Variants in NPAS3 observed in about 807,000 individuals in gnomAD.
The protein encoded by NPAS3 is neuronal PAS domain protein 3.
Under a neutral mutation model 73.1 loss-of-function variants are expected in NPAS3, and 14 were observed. That is an observed-to-expected ratio of 0.19 (90% CI 0.13 to 0.30). The LOEUF is 0.30. Ranked by LOEUF, NPAS3 falls within the 10% of genes least tolerant of loss-of-function variation. NPAS3 has a pLI of 1.00. For missense variants in NPAS3, 1,096 were observed against 1,250.0 expected (o/e 0.88, Z 1.86); for synonymous variants, 620 against 541.5 (o/e 1.14, Z -2.01).
At chr14:32,940,418 G>A (rs1208338859) in intron 1 of NPAS3, among the ~76,000 whole-genome samples, 1 of 152,130 alleles carries the variant, frequency 6.6e-6, no homozygotes, top group African/African-American at 2.4e-5. Context: ...TACTTTCTTT[G>A]GAATCCTATT....
At chr14:33,626,553 GAT>G (rs1280184748) in intron 5 of NPAS3, among the ~76,000 whole-genome samples, 1 of 152,186 alleles carries the variant, frequency 6.6e-6, no homozygotes, top group Non-Finnish European at 1.5e-5. Flanking sequence ...TATTGGGAAA[GAT>G]AGCATCATGG....
intron 4 of NPAS3, among the ~76,000 whole-genome samples, chr14:33,392,138 A>G (rs2047034876): frequency 6.6e-6 from 1 of 152,200 alleles, no homozygotes; most frequent in South Asian, 2.1e-4. Context: ...TAGTTAAAGG[A>G]CATGTGGGCA....
chr14:33,084,435 G>A lies in NPAS3; in HGVS notation c.140+28441G>A, dbSNP rs2041956909. 2.0e-5 allele frequency among the ~76,000 whole-genome samples: 3 copies of A among 152,148 alleles called. No individual in the cohort carries two copies. The South Asian group carries it at 6.2e-4, about 32-fold the overall frequency. On this transcript the variant is annotated intron_variant, in intron 2 of 11. Coordinates refer to ENST00000356141, the Ensembl canonical transcript of NPAS3. ...TGAGGGCACCATTTTTTCCTAACAG[G>A]TAATCAAACGTAGTATAAGAAGACC... is the stretch of plus-strand genomic sequence containing the variant.
intron 3 of NPAS3, among the ~76,000 whole-genome samples, chr14:33,276,635 C>A (rs2041348437): frequency 1.3e-5 from 2 of 151,790 alleles, no homozygotes; most frequent in South Asian, 4.2e-4. Flanking sequence ...TCATTTAGTT[C>A]CTTCCTTTGT....
intron 1 of NPAS3, among the ~76,000 whole-genome samples, chr14:33,034,513 C>A (rs1315816724): frequency 6.6e-6 from 1 of 150,898 alleles, no homozygotes; most frequent in East Asian, 1.9e-4. Context: ...TTAATATATA[C>A]CATATATTAA....
At position 33,140,389 on chromosome 14, in the gene NPAS3, G is replaced by T. The variant is rs533429551; in HGVS notation, c.141-74793G>T. The stretch of plus-strand genomic sequence containing the variant: ...CACAGAAAAAAACAGTCACTATTTT[G>T]AGCTCATTTTGCTGTTTTTAGGGGT... On this transcript the variant is annotated intron_variant, in intron 2 of 11. Transcript: ENST00000356141. Among the ~76,000 whole-genome samples, 4 of 152,178 alleles carry T rather than the reference G, an allele frequency of 2.6e-5. 1 individual carries two copies. In the East Asian group the frequency reaches 7.7e-4, roughly 29 times the overall value.
At chr14:33,014,388 A>G (rs1364221422) in intron 1 of NPAS3, among the ~76,000 whole-genome samples, 1 of 152,218 alleles carries the variant, frequency 6.6e-6, no homozygotes, top group Non-Finnish European at 1.5e-5. Flanking sequence ...AAAGTTGTAG[A>G]GATACATTTC....
At chr14:32,968,928 C>A (rs2037306303) in intron 1 of NPAS3, among the ~76,000 whole-genome samples, 1 of 152,146 alleles carries the variant, frequency 6.6e-6, no homozygotes, top group Admixed American at 6.5e-5. Flanking sequence ...CTTCCTGATG[C>A]TCTCCCTCTT....
chr14:33,349,086 A>T (rs971471343), intron 3 of NPAS3, among the ~76,000 whole-genome samples: 1 of 152,226 alleles, frequency 6.6e-6, no homozygotes, highest in Non-Finnish European at 1.5e-5. Flanking sequence ...GACGGAGGTC[A>T]GAAGCATGTT....
Position 33,200,732 on chromosome 14 carries a change from G to A in NPAS3, c.141-14450G>A, listed in dbSNP as rs532853958. 3.9e-5 allele frequency among the ~76,000 whole-genome samples: 6 copies of A among 152,200 alleles called. No homozygotes were observed. The East Asian group carries it at 1.2e-3, about 29-fold the overall frequency. ...CTGAAAGGAAGATCTGGCAACTTTG[G>A]GGCCACATTCCAATCTAGTAACAAA... On this transcript the variant is annotated intron_variant, in intron 2 of 11. Coordinates refer to ENST00000356141, the Ensembl canonical transcript of NPAS3.
chr14:33,128,050 C>T (rs987492468), intron 2 of NPAS3, among the ~76,000 whole-genome samples: 2 of 152,082 alleles, frequency 1.3e-5, no homozygotes, highest in Non-Finnish European at 2.9e-5. Flanking sequence ...TATTTTCTTT[C>T]AATTCTCTGA....
At chr14:33,410,170 G>GA in intron 4 of NPAS3, among the ~76,000 whole-genome samples, 1 of 152,128 alleles carries the variant, frequency 6.6e-6, no homozygotes, top group East Asian at 1.9e-4. Context: ...AGAATCTCTT[G>GA]AAAGAGTCTT....
intron 4 of NPAS3, among the ~76,000 whole-genome samples, chr14:33,383,759 G>A (rs116939414): frequency 3.1e-3 from 476 of 152,224 alleles, no homozygotes; most frequent in Non-Finnish European, 5.6e-3. Context: ...CCAGCTTCCG[G>A]AAGTCTGGTC....
chr14:33,471,644 C>T (rs751395244), intron 4 of NPAS3, among the ~76,000 whole-genome samples: 9 of 152,124 alleles, frequency 5.9e-5, no homozygotes, highest in African/African-American at 1.2e-4. Flanking sequence ...TTGATATCAC[C>T]GTCCTTAAAA....
intron 6 of NPAS3, among the ~76,000 whole-genome samples, chr14:33,708,590 T>C (rs1405527413): frequency 6.6e-6 from 1 of 152,112 alleles, no homozygotes; most frequent in Non-Finnish European, 1.5e-5. Context: ...TTCAGAGTCT[T>C]AACGACCTGG....
intron 6 of NPAS3, among the ~76,000 whole-genome samples, chr14:33,678,478 T>C (rs530284796): frequency 6.6e-6 from 1 of 152,328 alleles, no homozygotes; most frequent in Middle Eastern, 3.4e-3. Context: ...CAATGGCGTG[T>C]TCCTAAAAGC....
At chr14:33,241,626 C>T (rs961259715) in intron 3 of NPAS3, among the ~76,000 whole-genome samples, 2 of 151,904 alleles carry the variant, frequency 1.3e-5, no homozygotes, top group African/African-American at 4.8e-5. Flanking sequence ...GTCTAGTCTC[C>T]CTCTGTACGA....
intron 6 of NPAS3, among the ~76,000 whole-genome samples, chr14:33,726,779 G>A (rs1237946789): frequency 6.6e-6 from 1 of 152,126 alleles, no homozygotes; most frequent in East Asian, 1.9e-4. Flanking sequence ...TTTGATGTGT[G>A]CTTACATGGG....
rs1177265709 is a variant in NPAS3, at chr14:33,606,261, C to A, written c.558+46051C>A. On this transcript the variant is annotated intron_variant, in intron 5 of 11. Coordinates refer to ENST00000356141, the Ensembl canonical transcript of NPAS3. ...ACAACATTCCCCAGAGTGTGATGTT[C>A]CCCTTCCTGTGTCCATGTGTTCTCA... Among the ~76,000 whole-genome samples, 9 of 128,724 alleles carry A rather than the reference C, an allele frequency of 7.0e-5. No individual in the cohort carries two copies. In the South Asian group the frequency reaches 2.4e-3, roughly 35 times the overall value. The allele number at this position is 128,724 out of a possible 152,430, so 84.4% of individuals were successfully genotyped here. A position where few individuals can be genotyped will look rare whatever the true frequency, so the allele number is the denominator to read the frequency against.
Sources: allele counts gnomAD v4.1 joint callset (sites outside exome capture counted in the v4.1 genomes callset), GRCh38; gene constraint gnomAD v4.1.1; transcripts MANE v1.5; gene names NCBI Gene and HGNC (gene_info 2026-07-23, HGNC 2026-07-21).